DPF3: variants seen among roughly 807,000 people sequenced by gnomAD.
The protein encoded by DPF3 is zinc finger protein DPF3.
Under a neutral mutation model 56.8 loss-of-function variants are expected in DPF3, and 18 were observed. The observed-to-expected ratio is 0.32, with a 90% CI of 0.22 to 0.47. The LOEUF is 0.47. Ranked by LOEUF, DPF3 falls within the 20% of genes least tolerant of loss-of-function variation. The probability of loss-of-function intolerance (pLI) is 1.00; values close to 1 mark genes in which losing one functional copy is unlikely to be tolerated. For synonymous variants in DPF3, 188 were observed against 180.2 expected (o/e 1.04, Z -0.35); for missense variants, 403 against 488.8 (o/e 0.82, Z 1.65).
intron 3 of DPF3, among the ~76,000 whole-genome samples, chr14:72,733,154 A>G (rs1889742564): frequency 6.6e-6 from 1 of 152,010 alleles, no homozygotes. Flanking sequence ...ATTTACTAAA[A>G]TATTTCTTCA....
At chr14:72,715,747 A>C (rs899486425) in intron 5 of DPF3, among the ~76,000 whole-genome samples, 1 of 151,688 alleles carries the variant, frequency 6.6e-6, no homozygotes, top group Admixed American at 6.6e-5. Flanking sequence ...TTCCCAATCA[A>C]CACCACCTGC....
chr14:72,690,586 AC>A (rs199877104), intron 7 of DPF3, among the ~76,000 whole-genome samples: 3,126 of 151,368 alleles, frequency 0.021, 164 homozygotes, highest in East Asian at 0.16. Context: ...CATACACAAC[AC>A]GTATACACAC....
At chr14:72,695,293 A>G (rs1442985604) in intron 6 of DPF3, among the ~76,000 whole-genome samples, 1 of 152,230 alleles carries the variant, frequency 6.6e-6, no homozygotes, top group Admixed American at 6.5e-5. Context: ...ATAGATGTTC[A>G]ATAAATGGTA....
At chr14:72,806,278 G>T (rs979678669) in intron 1 of DPF3, among the ~76,000 whole-genome samples, 1 of 152,064 alleles carries the variant, frequency 6.6e-6, no homozygotes, top group African/African-American at 2.4e-5. Context: ...GTGGCCACCC[G>T]TGGGTGGTCC....
chr14:72,886,280 G>A (rs1227729280), intron 1 of DPF3, among the ~76,000 whole-genome samples: 1 of 152,182 alleles, frequency 6.6e-6, no homozygotes, highest in African/African-American at 2.4e-5. Flanking sequence ...ACTGAGACAA[G>A]AGAATCACTT....
At chr14:72,810,467 G>A (rs769974247) in intron 1 of DPF3, among the ~76,000 whole-genome samples, 20 of 152,192 alleles carry the variant, frequency 1.3e-4, no homozygotes, top group African/African-American at 2.4e-4. Context: ...GCAGAGGAAG[G>A]TGGGCGTGTG....
chr14:72,784,395 A>G (rs73302161), intron 1 of DPF3, among the ~76,000 whole-genome samples: 3,214 of 152,226 alleles, frequency 0.021, 114 homozygotes, highest in African/African-American at 0.074. Flanking sequence ...ACACCTCTAC[A>G]TGCCAGGATA....
At chr14:72,639,034 G>A (rs1320010208) in intron 8 of DPF3, among the ~76,000 whole-genome samples, 3 of 152,116 alleles carry the variant, frequency 2.0e-5, no homozygotes, top group Admixed American at 2.0e-4. Context: ...AGCCAGGATG[G>A]TCTCGATCTC....
At chr14:72,893,223 C>T (rs1886846818) in intron 1 of DPF3, among the ~76,000 whole-genome samples, 1 of 152,164 alleles carries the variant, frequency 6.6e-6, no homozygotes, top group Non-Finnish European at 1.5e-5. Flanking sequence ...GCCCCAAAAC[C>T]GCCTCTCCGC....
intron 1 of DPF3, among the ~76,000 whole-genome samples, chr14:72,819,789 T>C (rs1198595276): frequency 4.0e-5 from 6 of 151,868 alleles, no homozygotes; most frequent in Non-Finnish European, 8.8e-5. Context: ...ATACAAAAAT[T>C]TAGCCAGGTG....
chr14:72,875,525 T>C (rs139210666), intron 1 of DPF3, among the ~76,000 whole-genome samples: 1 of 152,310 alleles, frequency 6.6e-6, no homozygotes, highest in East Asian at 1.9e-4. Context: ...ATGAGGAAAC[T>C]AAGGCATAGA....
intron 3 of DPF3, among the ~76,000 whole-genome samples, chr14:72,744,568 G>T (rs892592639): frequency 6.6e-6 from 1 of 152,108 alleles, no homozygotes; most frequent in Admixed American, 6.5e-5. Context: ...AGAAAAGGAT[G>T]GTTCTGTGGC....
At chr14:72,770,709 G>A (rs1825761451) in intron 2 of DPF3, among the ~76,000 whole-genome samples, 1 of 152,174 alleles carries the variant, frequency 6.6e-6, no homozygotes, top group African/African-American at 2.4e-5. Flanking sequence ...TTTTACTATT[G>A]TCTTCAGTTT....
chr14:72,619,779 A>G (rs1884310324), intron 10 of DPF3, 124 bp downstream of exon 10: 2 of 957,394 alleles, frequency 2.1e-6, no homozygotes, highest in Non-Finnish European at 2.9e-6. Flanking sequence ...TGTGATGATT[A>G]AATGAGACAA....
intron 8 of DPF3, among the ~76,000 whole-genome samples, chr14:72,651,239 C>A (rs938492678): frequency 3.7e-4 from 56 of 152,300 alleles, no homozygotes; most frequent in African/African-American, 1.3e-3. Flanking sequence ...GCATCGTGCT[C>A]CGGGGCTGCT....
chr14:72,877,408 T>G (rs1264650325), intron 1 of DPF3, among the ~76,000 whole-genome samples: 3 of 152,076 alleles, frequency 2.0e-5, no homozygotes, highest in Non-Finnish European at 4.4e-5. Flanking sequence ...TAAAGATTAT[T>G]CCATCATTTG....
At chr14:72,879,900 G>T in intron 1 of DPF3, 1 of 1,518,606 alleles carries the variant, frequency 6.6e-7, no homozygotes, top group Non-Finnish European at 8.8e-7. Context: ...CTATATGCGT[G>T]TTTTCCGGGG....
At chr14:72,698,555 T>A (rs1888011733) in intron 6 of DPF3, among the ~76,000 whole-genome samples, 1 of 152,132 alleles carries the variant, frequency 6.6e-6, no homozygotes. Context: ...CGTGTGGTGG[T>A]GCGCACCTAT....
chr14:72,702,916 C>T (rs776742355), intron 6 of DPF3, among the ~76,000 whole-genome samples: 2 of 152,190 alleles, frequency 1.3e-5, no homozygotes, highest in Non-Finnish European at 2.9e-5. Context: ...CCAGCAGACT[C>T]GGTGGCCTTC....
Sources: allele counts gnomAD v4.1 joint callset (sites outside exome capture counted in the v4.1 genomes callset), GRCh38; gene constraint gnomAD v4.1.1; transcripts MANE v1.5; gene names NCBI Gene and HGNC (gene_info 2026-07-23, HGNC 2026-07-21).